Variants in MAP3K8 observed in about 807,000 individuals in gnomAD.
MAP3K8 encodes the protein mitogen-activated protein kinase kinase kinase 8, also known as Ewing sarcoma transformant.
MAP3K8 carries 22 observed loss-of-function variants against 45.8 expected under a neutral mutation model. The ratio of observed to expected loss-of-function variants is 0.48; its 90% CI spans 0.34 to 0.69. The LOEUF (loss-of-function observed/expected upper bound fraction) is 0.69, where lower values mean the gene tolerates loss of function less well. Among genes scored for constraint, MAP3K8 ranks in the 30% least tolerant of loss-of-function variants. The pLI is 0.01. For missense variants in MAP3K8, 419 were observed against 585.0 expected (o/e 0.72, Z 2.93); for synonymous variants, 223 against 214.3 (o/e 1.04, Z -0.36).
intron 6 of MAP3K8, among the ~76,000 whole-genome samples, chr10:30,454,425 T>C (rs1389801489): frequency 6.6e-6 from 1 of 152,028 alleles, no homozygotes; most frequent in African/African-American, 2.4e-5. Context: ...TTTGTAAAAA[T>C]GGCATGGTGG....
Position 30,458,121 on chromosome 10 carries a change from A to G in MAP3K8, c.911A>G (p.His304Arg). The G allele has an allele frequency of 6.3e-7, 1 of 1,591,820 alleles. No homozygotes were observed. The highest frequency in any genetic ancestry group is 8.6e-7 in the Non-Finnish European group (1 of 1,168,758). ...CCAGAGGTCATCCTGTGCAGGGGCCATTCAACCAAAGCAGACATCTACAGC... is the reference window on the plus strand; with the variant it reads ...CCAGAGGTCATCCTGTGCAGGGGCCGTTCAACCAAAGCAGACATCTACAGC... ...MSPEVILCRGHSTKADIYSLG... is the reference protein window; with the variant it reads ...MSPEVILCRGRSTKADIYSLG... The change falls in exon 7 of 9, where the codon CAT (histidine) becomes CGT (arginine). Residue 304 changes from histidine to arginine, a missense_variant. His to Arg is a conservative substitution (Grantham distance 29). Transcript: ENST00000263056.
intron 6 of MAP3K8, among the ~76,000 whole-genome samples, chr10:30,454,749 A>G (rs1264373595): frequency 7.0e-6 from 1 of 141,874 alleles, no homozygotes. Context: ...GGGAAGCTGT[A>G]CTTTTTTTTT....
intron 3 of MAP3K8, among the ~76,000 whole-genome samples, chr10:30,443,345 C>T (rs1588771300): frequency 6.6e-6 from 1 of 152,144 alleles, no homozygotes; most frequent in Non-Finnish European, 1.5e-5. Flanking sequence ...TAAATGAACT[C>T]GAGGCATTGT....
chr10:30,451,178 T>A (rs1209455076), intron 5 of MAP3K8, among the ~76,000 whole-genome samples: 1 of 152,166 alleles, frequency 6.6e-6, no homozygotes, highest in Non-Finnish European at 1.5e-5. Context: ...TTTTTCATTT[T>A]TTATACCAAT....
intron 1 of MAP3K8, chr10:30,434,604 C>G: frequency 5.1e-6 from 5 of 985,900 alleles, no homozygotes; most frequent in Non-Finnish European, 6.0e-6. Flanking sequence ...ACTCGCGACT[C>G]CTCCCCCTTC....
chr10:30,437,133 A>T (rs1172098385), intron 1 of MAP3K8, 43 bp from the exon 2 acceptor site: 1 of 980,736 alleles, frequency 1.0e-6, no homozygotes, highest in Non-Finnish European at 1.2e-6. Flanking sequence ...AGCATTTCAT[A>T]GGTTTCTGCC....
intron 6 of MAP3K8, among the ~76,000 whole-genome samples, chr10:30,454,257 C>A (rs1430081572): frequency 6.6e-6 from 1 of 152,102 alleles, no homozygotes; most frequent in Non-Finnish European, 1.5e-5. Context: ...CAGATGACAA[C>A]CCTTAGTCTA....
At chr10:30,444,211 G>A (rs1011548093) in intron 3 of MAP3K8, among the ~76,000 whole-genome samples, 2 of 151,260 alleles carry the variant, frequency 1.3e-5, no homozygotes. Context: ...AAATTTATAC[G>A]GGCCCCTAGA....
chr10:30,452,197 C>T (rs1034283203), intron 6 of MAP3K8, among the ~76,000 whole-genome samples: 14 of 151,886 alleles, frequency 9.2e-5, no homozygotes, highest in African/African-American at 2.7e-4. Flanking sequence ...AGGCTGGGCA[C>T]GGTGGCTCAA....
intron 8 of MAP3K8, among the ~76,000 whole-genome samples, chr10:30,460,182 G>A (rs906037471): frequency 1.3e-5 from 2 of 152,108 alleles, no homozygotes; most frequent in Non-Finnish European, 2.9e-5. Flanking sequence ...CTTGGTGGGG[G>A]AACATCATGG....
chr10:30,450,180 T>C lies in MAP3K8; in HGVS notation c.505-78T>C, dbSNP rs1836487372. 3.0e-5 allele frequency: 42 copies of C among 1,404,652 alleles called. 1 individual carries two copies. In the South Asian group the frequency reaches 5.8e-4, roughly 19 times the overall value. 87.0% of individuals were successfully genotyped at this position (1,404,652 alleles called of 1,614,324 possible). On this transcript the variant is annotated intron_variant, in intron 4 of 8. Coordinates refer to ENST00000263056, the MANE Select transcript of MAP3K8 (RefSeq NM_005204.4). ...GAGGGCATTTATTTGCCTTTTGTTT[T>C]TTGCATTGACCTATATTTTATATTT...
At chr10:30,449,816 T>C (rs1199198001) in intron 4 of MAP3K8, among the ~76,000 whole-genome samples, 1 of 152,188 alleles carries the variant, frequency 6.6e-6, no homozygotes, top group Non-Finnish European at 1.5e-5. Context: ...CCTCAGTGCT[T>C]ATTTTAAATA....
intron 6 of MAP3K8, among the ~76,000 whole-genome samples, chr10:30,456,413 A>C (rs764920284): frequency 3.9e-5 from 6 of 152,182 alleles, no homozygotes; most frequent in Non-Finnish European, 7.3e-5. Flanking sequence ...AGCAAAAGGA[A>C]GCTGGCCCGG....
rs1272598952 is a variant in MAP3K8 at position 30,437,302 on chromosome 10, A to T, written c.-128A>T. The stretch of plus-strand genomic sequence containing the variant: ...GACTCAGTACTTTTCTCACTCATGC[A>T]TACAAAGCAGCTAAAAATGACACAG... On this transcript the variant is annotated 5_prime_UTR_variant, in exon 2 of 9. Coordinates refer to ENST00000263056, the MANE Select transcript of MAP3K8 (RefSeq NM_005204.4). 9.1e-6 allele frequency: 9 copies of T among 985,346 alleles called. No individual in the cohort carries two copies. The highest frequency in any genetic ancestry group is 1.7e-5 in the African/African-American group (1 of 57,234). The allele number at this position is 985,346 out of a possible 1,614,324, so 61.0% of individuals were successfully genotyped here. A position where few individuals can be genotyped will look rare whatever the true frequency, so the allele number is the denominator to read the frequency against.
chr10:30,451,611 T>G, intron 5 of MAP3K8, 27 bp from the exon 6 acceptor site: 1 of 1,376,234 alleles, frequency 7.3e-7, no homozygotes, highest in Non-Finnish European at 1.0e-6. Context: ...AAAAATTTTA[T>G]CTTAAAAATA....
intron 4 of MAP3K8, 56 bp from the exon 5 acceptor site, chr10:30,450,202 A>G (rs1011831258): frequency 1.3e-6 from 2 of 1,507,202 alleles, no homozygotes; most frequent in Non-Finnish European, 1.8e-6. Context: ...TATATTTTAT[A>G]TTTTTAAGAT....
Position 30,450,383 on chromosome 10 carries a change from C to T in MAP3K8, c.630C>T (p.Gly210=), listed in dbSNP as rs377297760. Residue 210 remains glycine, a synonymous_variant, in exon 5 of 9, where the codon GGC becomes GGT. Transcript: ENST00000263056. Reference sequence around the variant, plus strand: ...CTGTCCATCTCTTTATGGAAGCAGGCGAGGGAGGGTCTGTTCTGGAGAAAC... The same window carrying T: ...CTGTCCATCTCTTTATGGAAGCAGGTGAGGGAGGGTCTGTTCTGGAGAAAC... ...GETVHLFMEA[G]EGGSVLEKLE... 7.6e-5 allele frequency: 123 copies of T among 1,613,918 alleles called. No individual in the cohort carries two copies. The highest frequency in any genetic ancestry group is 9.7e-5 in the Non-Finnish European group (114 of 1,179,986).
chr10:30,441,160 C>CTTTTTTT lies in MAP3K8; in HGVS notation c.336+1894_336+1900dup, dbSNP rs11331000. Among the ~76,000 whole-genome samples the CTTTTTTT allele has an allele frequency of 5.3e-3, 760 of 144,354 alleles. 12 individuals are homozygous for CTTTTTTT. The highest frequency in any genetic ancestry group is 0.018 in the African/African-American group (726 of 39,272). 94.7% of individuals were successfully genotyped at this position (144,354 alleles called of 152,430 possible). ...AACAAGTACATAATTAAGGAGAATT[C>CTTTTTTT]TTTTTTTTTTTTTTGAGACAGAGTC... On this transcript the variant is annotated intron_variant, in intron 3 of 8. Coordinates refer to ENST00000263056, the MANE Select transcript of MAP3K8 (RefSeq NM_005204.4).
At chr10:30,459,163 G>A (rs904991017) in intron 7 of MAP3K8, 92 bp from the exon 8 acceptor site, 42 of 1,402,752 alleles carry the variant, frequency 3.0e-5, no homozygotes, top group Non-Finnish European at 3.8e-5. Flanking sequence ...GGTGGAAAAC[G>A]GATTACTTTC....
Sources: allele counts gnomAD v4.1 joint callset (sites outside exome capture counted in the v4.1 genomes callset), GRCh38; gene constraint gnomAD v4.1.1; transcripts MANE v1.5; gene names NCBI Gene and HGNC (gene_info 2026-07-23, HGNC 2026-07-21).